NR3C2: variants seen among roughly 807,000 people sequenced by gnomAD.
NR3C2 encodes mineralocorticoid receptor.
In NR3C2, 15 loss-of-function variants were observed where a neutral mutation model predicts 86.4. The ratio of observed to expected loss-of-function variants is 0.17; its 90% confidence interval spans 0.12 to 0.27. The LOEUF (loss-of-function observed/expected upper bound fraction) is 0.27. Among genes scored for constraint, NR3C2 ranks in the 10% least tolerant of loss-of-function variants. The pLI, the probability that NR3C2 is intolerant of heterozygous loss-of-function variation, is 1.00. For synonymous variants in NR3C2, 458 were observed against 450.5 expected (o/e 1.02, Z -0.21); for missense variants, 960 against 1,195.6 (o/e 0.80, Z 2.91).
chr4:148,107,962 A>T (rs1394167236), intron 8 of NR3C2, among the ~76,000 whole-genome samples: 1 of 152,214 alleles, frequency 6.6e-6, no homozygotes, highest in Non-Finnish European at 1.5e-5. Flanking sequence ...ATGTATACCT[A>T]CATAACAAAC....
At chr4:148,095,157 TA>T (rs35607293) in intron 8 of NR3C2, among the ~76,000 whole-genome samples, 19,890 of 152,154 alleles carry the variant, frequency 0.13, 2,348 homozygotes, top group African/African-American at 0.31. Context: ...GATAAAATGG[TA>T]AACTGTGAGC....
chr4:148,334,868 C>G (rs183569561), intron 2 of NR3C2, among the ~76,000 whole-genome samples: 1 of 152,118 alleles, frequency 6.6e-6, no homozygotes, highest in Non-Finnish European at 1.5e-5. Flanking sequence ...GGGGGAGAAT[C>G]TGCCCCCTGC....
intron 8 of NR3C2, among the ~76,000 whole-genome samples, chr4:148,110,886 A>G (rs1209969336): frequency 6.6e-6 from 1 of 152,180 alleles, no homozygotes; most frequent in African/African-American, 2.4e-5. Flanking sequence ...AAGGATAGTA[A>G]TGCTAGAAGG....
chr4:148,365,022 G>T (rs1746040023), intron 2 of NR3C2, among the ~76,000 whole-genome samples: 1 of 152,146 alleles, frequency 6.6e-6, no homozygotes, highest in African/African-American at 2.4e-5. Context: ...TCACTATCCT[G>T]GCCAGCCACC....
chr4:148,189,326 T>C (rs910704095), intron 4 of NR3C2, among the ~76,000 whole-genome samples: 5 of 152,338 alleles, frequency 3.3e-5, no homozygotes, highest in East Asian at 3.9e-4. Flanking sequence ...ATTCTGTTTA[T>C]GTAACATATC....
intron 3 of NR3C2, among the ~76,000 whole-genome samples, chr4:148,226,497 T>C (rs572390663): frequency 6.6e-6 from 1 of 152,194 alleles, no homozygotes; most frequent in Non-Finnish European, 1.5e-5. Flanking sequence ...ACCCACATTA[T>C]GAATAAAGAT....
At chr4:148,264,608 C>A (rs543677604) in intron 2 of NR3C2, among the ~76,000 whole-genome samples, 6 of 152,280 alleles carry the variant, frequency 3.9e-5, no homozygotes, top group Admixed American at 3.9e-4. Context: ...ACTGGTGAAA[C>A]CTTTGCAAAA....
rs1244447553 is a variant in NR3C2 at position 148,154,712 on chromosome 4, G to A, written c.2204C>T (p.Thr735Ile). ...TTCAAGGACCATAACGGGGGAAGGT[G>A]TGAGCGCTCGTGAGATTGTGGAGAG... ...PQLSTISRAL[T>I]PSPVMVLENI... Residue 735 changes from threonine to isoleucine, a missense_variant, in exon 5 of 9, where the codon ACA becomes ATA. Transcript: ENST00000358102. 2 of 1,613,766 alleles carry A rather than the reference G, an allele frequency of 1.2e-6. No individual in the cohort carries two copies. The highest frequency in any genetic ancestry group is 1.7e-6 in the Non-Finnish European group (2 of 1,180,008).
intron 7 of NR3C2, among the ~76,000 whole-genome samples, chr4:148,114,789 G>A (rs1259297865): frequency 6.6e-6 from 1 of 152,142 alleles, no homozygotes; most frequent in African/African-American, 2.4e-5. Context: ...CTAGGTTGGG[G>A]CTAGAATTAG....
At chr4:148,228,595 T>G (rs1231363385) in intron 3 of NR3C2, among the ~76,000 whole-genome samples, 1 of 152,206 alleles carries the variant, frequency 6.6e-6, no homozygotes, top group Non-Finnish European at 1.5e-5. Flanking sequence ...CTGCAAATAT[T>G]TTCTTCAGCC....
At chr4:148,234,138 T>C (rs1347262535) in intron 3 of NR3C2, among the ~76,000 whole-genome samples, 1 of 152,210 alleles carries the variant, frequency 6.6e-6, no homozygotes, top group African/African-American at 2.4e-5. Flanking sequence ...GTAATTTCAA[T>C]GTGCAAGTTT....
intron 2 of NR3C2, among the ~76,000 whole-genome samples, chr4:148,305,661 T>C (rs1040268048): frequency 7.9e-5 from 12 of 152,132 alleles, no homozygotes; most frequent in African/African-American, 2.4e-4. Flanking sequence ...CACATAAAAA[T>C]TCCTCTCTGA....
intron 8 of NR3C2, among the ~76,000 whole-genome samples, chr4:148,096,986 A>G (rs1031444034): frequency 7.9e-5 from 12 of 152,188 alleles, no homozygotes; most frequent in Non-Finnish European, 1.5e-4. Context: ...CAAGTATACA[A>G]TGTCTCCATC....
chr4:148,316,229 G>A (rs1167964297), intron 2 of NR3C2, among the ~76,000 whole-genome samples: 1 of 152,068 alleles, frequency 6.6e-6, no homozygotes, highest in African/African-American at 2.4e-5. Flanking sequence ...ACACACACAG[G>A]ATTGTAAGGA....
At chr4:148,103,192 C>T (rs1329842775) in intron 8 of NR3C2, among the ~76,000 whole-genome samples, 4 of 152,212 alleles carry the variant, frequency 2.6e-5, no homozygotes, top group African/African-American at 9.6e-5. Flanking sequence ...CCCTTCTCTA[C>T]CCTGCCACTT....
chr4:148,079,203 T>C lies in NR3C2; in HGVS notation c.*2141A>G, dbSNP rs1730429305. The C allele has an allele frequency of 6.6e-6, 1 of 152,274 alleles. No individual in the cohort carries two copies. 9.4% of individuals were successfully genotyped at this position (152,274 alleles called of 1,614,324 possible). On this transcript the variant is annotated 3_prime_UTR_variant, in exon 9 of 9. Coordinates refer to ENST00000358102, the MANE Select transcript of NR3C2 (RefSeq NM_000901.5). ...ATTTGTTTGCTAGCAACTCCCAGTC[T>C]GCATGCTGTGTATTTATTACCTTCA...
At chr4:148,231,793 C>T (rs1738476551) in intron 3 of NR3C2, among the ~76,000 whole-genome samples, 1 of 152,202 alleles carries the variant, frequency 6.6e-6, no homozygotes, top group African/African-American at 2.4e-5. Flanking sequence ...TCTACCACTG[C>T]TGTGTCAACT....
At chr4:148,158,786 T>C (rs1387306950) in intron 4 of NR3C2, among the ~76,000 whole-genome samples, 1 of 152,190 alleles carries the variant, frequency 6.6e-6, no homozygotes, top group Non-Finnish European at 1.5e-5. Context: ...CTTAATATTT[T>C]CTCCAGCACT....
At chr4:148,408,361 C>A (rs72658637) in intron 2 of NR3C2, among the ~76,000 whole-genome samples, 198 of 152,270 alleles carry the variant, frequency 1.3e-3, no homozygotes, top group African/African-American at 4.5e-3. Context: ...GGAACATAAA[C>A]TAGATTTCCA....
Sources: allele counts gnomAD v4.1 joint callset (sites outside exome capture counted in the v4.1 genomes callset), GRCh38; gene constraint gnomAD v4.1.1; transcripts MANE v1.5; gene names NCBI Gene and HGNC (gene_info 2026-07-23, HGNC 2026-07-21).